CREBRF: variants seen among roughly 807,000 people sequenced by gnomAD.
CREBRF encodes UPF0474 protein C5orf41.
In CREBRF, 5 loss-of-function variants were observed where a neutral mutation model predicts 66.1. The observed-to-expected ratio is 0.08, with a 90% CI of 0.04 to 0.16. CREBRF has a LOEUF of 0.16. CREBRF is among the 10% of genes least tolerant of loss of function. CREBRF has a pLI of 1.00. For missense variants in CREBRF, 531 were observed against 744.9 expected (o/e 0.71, Z 3.34); for synonymous variants, 229 against 264.4 (o/e 0.87, Z 1.30).
At position 173,056,821 on chromosome 5, in the gene CREBRF, C is replaced by T. The variant is rs1484982848; in HGVS notation, c.-192+342C>T. ...CCTGCCGGGCCGCCCGGCCCTTCCC[C>T]GCTGCCTCCGAGCCCGGGGCCGCTG... On this transcript the variant is annotated intron_variant, in intron 1 of 8. Coordinates refer to ENST00000296953, the MANE Select transcript of CREBRF (RefSeq NM_153607.3). Among the ~76,000 whole-genome samples the T allele has an allele frequency of 2.7e-5, 4 of 150,792 alleles. No individual in the cohort carries two copies. The East Asian group carries it at 8.0e-4, about 30-fold the overall frequency.
intron 1 of CREBRF, chr5:173,068,075 G>A (rs190880597): frequency 4.5e-6 from 2 of 443,866 alleles, no homozygotes; most frequent in Non-Finnish European, 9.0e-6. Flanking sequence ...CACTTGTTAG[G>A]TCCTTTTTAC....
Position 173,115,853 on chromosome 5 carries a change from G to A in CREBRF, c.1681+3474G>A, listed in dbSNP as rs190160400. 2.3e-3 allele frequency among the ~76,000 whole-genome samples: 352 copies of A among 151,852 alleles called. 1 individual carries two copies. The highest frequency in any genetic ancestry group is 6.0e-3 in the Admixed American group (92 of 15,250). ...TCTTGATCTCCTGACCTCGTGATCC[G>A]CCCGCCTCGGCCTCCCAAAGTGCTG... On this transcript the variant is annotated intron_variant, in intron 7 of 8. Transcript: ENST00000296953.
At chr5:173,073,877 G>A (rs573614882) in intron 1 of CREBRF, among the ~76,000 whole-genome samples, 1 of 152,328 alleles carries the variant, frequency 6.6e-6, no homozygotes, top group Admixed American at 6.5e-5. Context: ...TGAGGCAGGA[G>A]AATTGCTTGA....
chr5:173,065,369 A>G (rs888841767), intron 1 of CREBRF, among the ~76,000 whole-genome samples: 3 of 152,096 alleles, frequency 2.0e-5, no homozygotes, highest in Non-Finnish European at 4.4e-5. Context: ...TTAGGAGGAA[A>G]TAGCTTTTTT....
intron 8 of CREBRF, among the ~76,000 whole-genome samples, chr5:173,128,434 T>C (rs776171879): frequency 1.3e-5 from 2 of 151,982 alleles, no homozygotes; most frequent in Admixed American, 6.5e-5. Context: ...ATCGACTAGG[T>C]ATTTTTAATA....
In CREBRF at chr5:173,112,389, A is replaced by G; in HGVS notation, c.1681+10A>G. 6.6e-7 allele frequency: 1 copy of G among 1,515,690 alleles called. No homozygotes were observed. The allele number at this position is 1,515,690 out of a possible 1,614,324, so 93.9% of individuals were successfully genotyped here. On this transcript the variant is annotated intron_variant, in intron 7 of 8. Coordinates refer to ENST00000296953, the MANE Select transcript of CREBRF (RefSeq NM_153607.3). ...CTCAACACAGAATATGGTAAACCTA[A>G]AGTTTTAAGAAGTTGATTAACCACC...
chr5:173,112,521 C>T, intron 7 of CREBRF, 142 bp downstream of exon 7: 1 of 528,216 alleles, frequency 1.9e-6, no homozygotes, highest in Non-Finnish European at 3.4e-6. Context: ...TTCAGTAAGC[C>T]ACATGCTCAC....
chr5:173,073,952 C>T (rs1174883549), intron 1 of CREBRF, among the ~76,000 whole-genome samples: 4 of 150,150 alleles, frequency 2.7e-5, no homozygotes, highest in African/African-American at 4.9e-5. Context: ...GGTGACAGAG[C>T]GAGACTCCGT....
At chr5:173,062,950 T>G (rs1757321764) in intron 1 of CREBRF, among the ~76,000 whole-genome samples, 1 of 151,922 alleles carries the variant, frequency 6.6e-6, no homozygotes, top group Non-Finnish European at 1.5e-5. Context: ...GGTTTCACCG[T>G]TTTAGCCGGG....
Position 173,112,306 on chromosome 5 carries a change from A to G in CREBRF, c.1608A>G (p.Arg536=), listed in dbSNP as rs1466584381. 1.3e-6 allele frequency: 2 copies of G among 1,591,424 alleles called. No individual in the cohort carries two copies. Among genetic ancestry groups the G allele is most frequent in the Non-Finnish European group, 1.7e-6 (2 of 1,169,140 alleles). Residue 536 remains arginine (R), a splice_region_variant and synonymous_variant, in exon 7 of 9, where the codon AGA becomes AGG. Coordinates refer to ENST00000296953, the MANE Select transcript of CREBRF (RefSeq NM_153607.3). The stretch of plus-strand genomic sequence containing the variant: ...AACTAACTGCTCCTTCCTTTCACAG[A>G]GCTTGTCGGTTAAAGAAGAAAGCCC... ...SRKEKNKLAS[R]ACRLKKKAQY...
intron 4 of CREBRF, among the ~76,000 whole-genome samples, chr5:173,093,296 T>G (rs1405816132): frequency 4.6e-5 from 7 of 152,188 alleles, no homozygotes; most frequent in African/African-American, 1.7e-4. Context: ...GACTTTTGAT[T>G]GTAGTTTTGC....
chr5:173,076,147 G>T, intron 1 of CREBRF, among the ~76,000 whole-genome samples: 1 of 151,742 alleles, frequency 6.6e-6, no homozygotes. Flanking sequence ...CCAAGAACAT[G>T]ACACTGGCAT....
chr5:173,089,494 C>G lies in CREBRF; in HGVS notation c.136-821C>G, dbSNP rs1024627635. ...TTCATATTTGTACATTAGAGCTATG[C>G]TGCATTCATTTCAATGGCTGCAGAG... On this transcript the variant is annotated intron_variant, in intron 3 of 8. Coordinates refer to ENST00000296953, the MANE Select transcript of CREBRF (RefSeq NM_153607.3). Among the ~76,000 whole-genome samples the G allele has an allele frequency of 3.3e-5, 5 of 151,786 alleles. No individual in the cohort carries two copies. In the South Asian group the frequency reaches 1.0e-3, roughly 32 times the overall value.
chr5:173,129,297 T>C (rs1386878665), intron 8 of CREBRF, among the ~76,000 whole-genome samples: 1 of 149,078 alleles, frequency 6.7e-6, no homozygotes, highest in Admixed American at 6.8e-5. Flanking sequence ...TTTGTATTTT[T>C]AGTAGAGACG....
chr5:173,065,668 C>CTT (rs745391126), intron 1 of CREBRF, among the ~76,000 whole-genome samples: 1,571 of 127,118 alleles, frequency 0.012, 24 homozygotes, highest in South Asian at 0.07. Flanking sequence ...TCTTCTTCTT[C>CTT]TTTTTTTTTT....
chr5:173,059,189 C>G (rs900714574), intron 1 of CREBRF, among the ~76,000 whole-genome samples: 2 of 151,282 alleles, frequency 1.3e-5, no homozygotes, highest in Non-Finnish European at 2.9e-5. Context: ...ATTTGATAAA[C>G]TTGAATTCTT....
chr5:173,080,416 ATAGT>A (rs1757906871), intron 1 of CREBRF, among the ~76,000 whole-genome samples, 165 bp from the exon 2 acceptor site: 1 of 152,112 alleles, frequency 6.6e-6, no homozygotes. Context: ...AAATTTCAGA[ATAGT>A]AAGTATTAAG....
chr5:173,059,268 T>TC (rs1757188399), intron 1 of CREBRF, among the ~76,000 whole-genome samples: 2 of 141,560 alleles, frequency 1.4e-5, no homozygotes, highest in South Asian at 4.4e-4. Flanking sequence ...TTTTTTTCTT[T>TC]TTTTTTTTTT....
chr5:173,062,977 G>A (rs924191401), intron 1 of CREBRF, among the ~76,000 whole-genome samples: 1 of 151,988 alleles, frequency 6.6e-6, no homozygotes, highest in Non-Finnish European at 1.5e-5. Context: ...TCGATCTCCT[G>A]ACCTCGTGAT....
Sources: allele counts gnomAD v4.1 joint callset (sites outside exome capture counted in the v4.1 genomes callset), GRCh38; gene constraint gnomAD v4.1.1; transcripts MANE v1.5; gene names NCBI Gene and HGNC (gene_info 2026-07-23, HGNC 2026-07-21).